NPTN: variants seen among roughly 807,000 people sequenced by gnomAD.
The protein encoded by NPTN is neuroplastin, also known as SDR-1.
In NPTN, 5 loss-of-function variants were observed where a neutral mutation model predicts 42.7. The observed-to-expected ratio is 0.12, with a 90% CI of 0.06 to 0.25. NPTN has a LOEUF of 0.25. Among genes scored for constraint, NPTN ranks in the 10% least tolerant of loss-of-function variants. The pLI, the probability that NPTN is intolerant of heterozygous loss-of-function variation, is 1.00. For missense variants in NPTN, 307 were observed against 525.4 expected, an observed-to-expected ratio of 0.58 and a Z score of 4.06; for synonymous variants, 180 against 201.9, an observed-to-expected ratio of 0.89 and a Z score of 0.92.
intron 5 of NPTN, among the ~76,000 whole-genome samples, chr15:73,571,233 G>C (rs1407964470): frequency 6.6e-6 from 1 of 152,120 alleles, no homozygotes; most frequent in African/African-American, 2.4e-5. Context: ...ACTCCAGCCT[G>C]GTAGACAGAT....
intron 4 of NPTN, among the ~76,000 whole-genome samples, chr15:73,585,029 A>G (rs977536251): frequency 1.3e-5 from 2 of 152,232 alleles, no homozygotes; most frequent in East Asian, 3.8e-4. Context: ...TGGCTAGGCT[A>G]AATGCTTCAC....
rs571447016 is a variant in NPTN, at chr15:73,561,759, G to A, written c.*14+137C>T. On this transcript the variant is annotated intron_variant, in intron 8 of 8. Transcript: ENST00000345330. ...TCCCTAAACTGGGCAGACAGAACTG[G>A]CTTCATCAGTATCAGCTGCTCTGAA... 1.5e-5 allele frequency: 10 copies of A among 660,852 alleles called. No homozygotes were observed. In the African/African-American group the frequency reaches 1.7e-4, roughly 11 times the overall value. The allele number at this position is 660,852 out of a possible 1,614,324, so 40.9% of individuals were successfully genotyped here.
intron 4 of NPTN, among the ~76,000 whole-genome samples, chr15:73,580,441 A>ATAAT (rs1555408012): frequency 3.5e-5 from 4 of 113,906 alleles, no homozygotes; most frequent in Admixed American, 1.8e-4. Flanking sequence ...TAATATATAT[A>ATAAT]ATATATATGT....
chr15:73,607,685 AAGCATAAAT>A (rs1897354300), intron 1 of NPTN, among the ~76,000 whole-genome samples: 1 of 152,338 alleles, frequency 6.6e-6, no homozygotes, highest in East Asian at 1.9e-4. Flanking sequence ...AATATTTCCA[AAGCATAAAT>A]AGCTTATAGC....
intron 1 of NPTN, among the ~76,000 whole-genome samples, chr15:73,614,727 T>A (rs1264111712): frequency 6.6e-6 from 1 of 152,190 alleles, no homozygotes; most frequent in Admixed American, 6.5e-5. Flanking sequence ...AATTGCAACC[T>A]ATTAAAAACT....
chr15:73,582,001 A>AT (rs1372490736), intron 4 of NPTN, among the ~76,000 whole-genome samples: 1 of 152,016 alleles, frequency 6.6e-6, no homozygotes, highest in Admixed American at 6.5e-5. Context: ...CACTCGGCTA[A>AT]TTTTTGTATT....
chr15:73,575,490 G>A (rs560297896), intron 4 of NPTN, among the ~76,000 whole-genome samples: 1 of 152,356 alleles, frequency 6.6e-6, no homozygotes, highest in South Asian at 2.1e-4. Context: ...ATAGGAAAGA[G>A]AATCGATATG....
chr15:73,569,371 C>A lies in NPTN; in HGVS notation c.1114+779G>T, dbSNP rs966886042. ...ATAACCTAAGATTTCAGCTCTTGCTCTTTCCAGTGCTCAGTGGTGTGCTGT... is the reference window on the plus strand; with the variant it reads ...ATAACCTAAGATTTCAGCTCTTGCTATTTCCAGTGCTCAGTGGTGTGCTGT... On this transcript the variant is annotated intron_variant, in intron 6 of 8. Transcript: ENST00000345330. The surrounding 1 kb of genome is among the most constrained non-coding windows in gnomAD (Gnocchi z 4.1). The A allele has an allele frequency of 2.5e-5, 25 of 985,438 alleles. No homozygotes were observed. Among genetic ancestry groups the A allele is most frequent in the Non-Finnish European group, 2.9e-5 (24 of 830,018 alleles). 61.0% of individuals were successfully genotyped at this position (985,438 alleles called of 1,614,324 possible).
chr15:73,562,314 A>C lies in NPTN; in HGVS notation c.1137-344T>G, dbSNP rs1013635879. ...AGCCTCATGTGAGCACACAAAAAAAACTTCAGATTTTGGAGCATTTCAGAT... is the reference window on the plus strand; with the variant it reads ...AGCCTCATGTGAGCACACAAAAAAACCTTCAGATTTTGGAGCATTTCAGAT... On this transcript the variant is annotated intron_variant, in intron 7 of 8. Transcript: ENST00000345330. Among the ~76,000 whole-genome samples the C allele has an allele frequency of 1.2e-4, 18 of 152,316 alleles. 1 individual carries two copies. The highest frequency in any genetic ancestry group is 1.1e-3 in the Admixed American group (17 of 15,306).
chr15:73,598,591 T>C (rs1228681871), intron 1 of NPTN, among the ~76,000 whole-genome samples: 1 of 152,154 alleles, frequency 6.6e-6, no homozygotes, highest in Non-Finnish European at 1.5e-5. Context: ...TCATTCAGCA[T>C]TTCTACTGAT....
Position 73,597,113 on chromosome 15 carries a change from G to A in NPTN, c.348C>T (p.Cys116=). 2.5e-6 allele frequency: 4 copies of A among 1,614,154 alleles called. No individual in the cohort carries two copies. Among genetic ancestry groups the A allele is most frequent in the Non-Finnish European group, 2.5e-6 (3 of 1,180,012 alleles). ...TCCTCTTGGGGTCGTTGCTGGCCCT[G>A]CACTCGTAAGTCCCAGAGTCCTCCA... ...LTLEDSGTYE[C]RASNDPKRND... Residue 116 remains cysteine, a synonymous_variant, in exon 2 of 9, where the codon TGC becomes TGT. Coordinates refer to ENST00000345330, the MANE Select transcript of NPTN (RefSeq NM_012428.4). The surrounding 1 kb of genome is among the most constrained non-coding windows in gnomAD (Gnocchi z 6.3).
chr15:73,614,656 A>C (rs1897773188), intron 1 of NPTN, among the ~76,000 whole-genome samples: 1 of 152,332 alleles, frequency 6.6e-6, no homozygotes, highest in South Asian at 2.1e-4. Context: ...ATATTTGTTA[A>C]AAGAAAGGTG....
intron 1 of NPTN, among the ~76,000 whole-genome samples, chr15:73,631,340 A>G (rs952989720): frequency 2.0e-5 from 3 of 152,212 alleles, no homozygotes; most frequent in Non-Finnish European, 4.4e-5. Flanking sequence ...TGCCTTCCAC[A>G]GTGGACTCAT....
chr15:73,588,564 ATCT>A (rs1896431277), intron 3 of NPTN, among the ~76,000 whole-genome samples: 2 of 152,230 alleles, frequency 1.3e-5, no homozygotes, highest in African/African-American at 4.8e-5. Flanking sequence ...CACTGTCCAG[ATCT>A]TCTGGTCTCT....
At chr15:73,590,744 A>C (rs1896549809) in intron 3 of NPTN, among the ~76,000 whole-genome samples, 1 of 152,200 alleles carries the variant, frequency 6.6e-6, no homozygotes, top group Non-Finnish European at 1.5e-5. Context: ...CCCGGGAGGC[A>C]GAACGAGACC....
intron 4 of NPTN, among the ~76,000 whole-genome samples, chr15:73,586,202 C>T (rs1436679616): frequency 2.0e-5 from 3 of 152,198 alleles, no homozygotes; most frequent in African/African-American, 4.8e-5. Context: ...GAATGCTGCA[C>T]GGCCTCAAGT....
At chr15:73,609,646 A>G (rs1897471583) in intron 1 of NPTN, among the ~76,000 whole-genome samples, 1 of 152,268 alleles carries the variant, frequency 6.6e-6, no homozygotes, top group African/African-American at 2.4e-5. Context: ...ACAAACAAAC[A>G]AACAAAAAAC....
At chr15:73,588,023 C>T (rs1164660185) in intron 3 of NPTN, among the ~76,000 whole-genome samples, 2 of 152,136 alleles carry the variant, frequency 1.3e-5, no homozygotes, top group African/African-American at 2.4e-5. Flanking sequence ...AGGTGGATCA[C>T]GAGGTCAGGA....
chr15:73,631,848 CAT>C (rs949208709), intron 1 of NPTN, among the ~76,000 whole-genome samples: 11 of 152,124 alleles, frequency 7.2e-5, no homozygotes, highest in African/African-American at 2.7e-4. Flanking sequence ...AATGCTAACA[CAT>C]GTCTTCAATC....
Sources: gnomAD v4.1 joint callset for allele counts (sites outside exome capture counted in the v4.1 genomes callset) on GRCh38, gnomAD v4.1.1 for gene constraint, Gnocchi (gnomAD v3.1) non-coding constraint, MANE v1.5 for transcripts, NCBI Gene and HGNC (gene_info 2026-07-23, HGNC 2026-07-21) for gene names.